The following LUZP2 variants were observed in gnomAD, a reference collection of about 807,000 sequenced individuals.
LUZP2 encodes the protein leucine zipper protein 2.
In LUZP2, 52 loss-of-function variants were observed where a neutral mutation model predicts 51.6. The ratio of observed to expected loss-of-function variants is 1.01; its 90% CI spans 0.81 to 1.27. The LOEUF is 1.27. Ranked by LOEUF, LUZP2 falls within the 50% of genes most tolerant of loss-of-function variation. LUZP2 has a pLI of 0.00. For missense variants in LUZP2, 436 were observed against 395.4 expected (o/e 1.10, Z -0.87); for synonymous variants, 154 against 137.3 (o/e 1.12, Z -0.85).
At chr11:24,818,795 A>G (rs1194196322) in intron 5 of LUZP2, among the ~76,000 whole-genome samples, 14 of 152,016 alleles carry the variant, frequency 9.2e-5, no homozygotes, top group Non-Finnish European at 7.4e-5. Context: ...ATCCTCTGCA[A>G]TATATTCTTA....
intron 1 of LUZP2, among the ~76,000 whole-genome samples, chr11:24,576,988 A>T (rs1194544284): frequency 6.6e-6 from 1 of 152,024 alleles, no homozygotes; most frequent in Non-Finnish European, 1.5e-5. Context: ...TTAAAGAAAA[A>T]CACCCTATAA....
intron 8 of LUZP2, among the ~76,000 whole-genome samples, chr11:24,977,863 T>G (rs1179074778): frequency 6.6e-6 from 1 of 150,804 alleles, no homozygotes; most frequent in African/African-American, 2.5e-5. Context: ...TTATTATGTT[T>G]CTCTCTATCT....
intron 7 of LUZP2, among the ~76,000 whole-genome samples, chr11:24,969,911 C>T (rs577105823): frequency 7.2e-5 from 11 of 152,166 alleles, no homozygotes; most frequent in South Asian, 4.1e-4. Context: ...CACACACATG[C>T]GCGCGCACAC....
chr11:25,040,343 A>ATGTTTTTTTTTTTTT (rs1858011664), intron 9 of LUZP2, among the ~76,000 whole-genome samples: 3 of 98,826 alleles, frequency 3.0e-5, no homozygotes, highest in African/African-American at 1.2e-4. Flanking sequence ...TTTCTTTCCG[A>ATGTTTTTTTTTTTTT]TTTTTTTTTT....
At chr11:24,845,050 G>A (rs1208202212) in intron 5 of LUZP2, among the ~76,000 whole-genome samples, 3 of 152,094 alleles carry the variant, frequency 2.0e-5, no homozygotes, top group Non-Finnish European at 2.9e-5. Context: ...TGAGAGGAGG[G>A]CCACCATCCT....
chr11:24,764,504 A>G (rs960166519), intron 5 of LUZP2, among the ~76,000 whole-genome samples: 6 of 149,238 alleles, frequency 4.0e-5, no homozygotes, highest in Admixed American at 1.3e-4. Flanking sequence ...AAAAAAAAAA[A>G]AAAAAAAAAA....
intron 10 of LUZP2, among the ~76,000 whole-genome samples, chr11:25,076,842 C>G (rs1252698481): frequency 6.7e-6 from 1 of 148,710 alleles, no homozygotes; most frequent in Non-Finnish European, 1.5e-5. Flanking sequence ...AGTAAAATGA[C>G]TGGGATCTTA....
At chr11:24,981,537 T>C (rs1434492993) in intron 8 of LUZP2, among the ~76,000 whole-genome samples, 1 of 151,778 alleles carries the variant, frequency 6.6e-6, no homozygotes, top group East Asian at 1.9e-4. Flanking sequence ...CCTGTGACTT[T>C]GAATGCCTAA....
chr11:25,070,835 T>G (rs2134054568), intron 10 of LUZP2, among the ~76,000 whole-genome samples: 1 of 148,906 alleles, frequency 6.7e-6, no homozygotes, highest in East Asian at 2.0e-4. Flanking sequence ...GCTAAAATTA[T>G]AAACTGCCTG....
intron 4 of LUZP2, among the ~76,000 whole-genome samples, chr11:24,754,555 T>A (rs1859704007): frequency 6.6e-6 from 1 of 152,144 alleles, no homozygotes; most frequent in African/African-American, 2.4e-5. Context: ...GCACTTACCA[T>A]AACCTGAGTA....
intron 9 of LUZP2, among the ~76,000 whole-genome samples, chr11:25,003,752 G>T (rs1174898123): frequency 2.6e-5 from 4 of 152,154 alleles, no homozygotes; most frequent in African/African-American, 9.7e-5. Context: ...CCAACGCCCA[G>T]ACTTCAGGGT....
In LUZP2 at chr11:24,664,264, C is replaced by T. The variant is rs1410607294; in HGVS notation, c.63-64905C>T. ...TAGCAAAGAGACTGGCAGCACTTTG[C>T]CCCTGCCCTAGAGATCTTTAGAACT... On this transcript the variant is annotated intron_variant, in intron 1 of 11. Coordinates refer to ENST00000336930, the MANE Select transcript of LUZP2 (RefSeq NM_001009909.4). 2.0e-5 allele frequency among the ~76,000 whole-genome samples: 3 copies of T among 152,176 alleles called. No individual in the cohort carries two copies. The East Asian group carries it at 5.8e-4, about 29-fold the overall frequency.
chr11:24,977,740 T>C (rs1590796944), intron 8 of LUZP2, among the ~76,000 whole-genome samples: 2 of 151,800 alleles, frequency 1.3e-5, no homozygotes, highest in Non-Finnish European at 1.5e-5. Context: ...TATGTATGTA[T>C]ATATACACTA....
intron 8 of LUZP2, among the ~76,000 whole-genome samples, chr11:24,982,800 G>A (rs188938859): frequency 1.7e-3 from 254 of 151,824 alleles, no homozygotes; most frequent in Non-Finnish European, 2.8e-3. Flanking sequence ...TTCAAAAAAG[G>A]ATATTTTCTA....
intron 7 of LUZP2, among the ~76,000 whole-genome samples, chr11:24,970,181 G>A (rs999113013): frequency 1.3e-5 from 2 of 152,070 alleles, no homozygotes; most frequent in Non-Finnish European, 2.9e-5. Flanking sequence ...GCTACTAGAG[G>A]TCTTGGAACA....
chr11:24,806,361 C>G (rs1028868376), intron 5 of LUZP2, among the ~76,000 whole-genome samples: 2 of 152,148 alleles, frequency 1.3e-5, no homozygotes, highest in Admixed American at 1.3e-4. Context: ...GTATATGTTA[C>G]TAATCAGCCT....
intron 5 of LUZP2, among the ~76,000 whole-genome samples, chr11:24,876,903 G>A (rs1328465859): frequency 6.6e-6 from 1 of 152,110 alleles, no homozygotes; most frequent in Admixed American, 6.6e-5. Context: ...TATAGAGGTA[G>A]CAACGCATCA....
chr11:24,741,234 C>T (rs1473314223), intron 4 of LUZP2, among the ~76,000 whole-genome samples: 1 of 151,904 alleles, frequency 6.6e-6, no homozygotes, highest in Non-Finnish European at 1.5e-5. Context: ...ACCTCGGGTT[C>T]TCAGAGACTT....
chr11:24,931,209 C>CAAAAT (rs199869184), intron 7 of LUZP2, among the ~76,000 whole-genome samples: 4,299 of 135,042 alleles, frequency 0.032, 80 homozygotes, highest in East Asian at 0.055. Context: ...GACTCTGTCT[C>CAAAAT]AAAATAAAAT....
Sources: gnomAD v4.1 joint callset for allele counts (sites outside exome capture counted in the v4.1 genomes callset) on GRCh38, gnomAD v4.1.1 for gene constraint, MANE v1.5 for transcripts, NCBI Gene and HGNC (gene_info 2026-07-23, HGNC 2026-07-21) for gene names.